ESR1: variants seen among roughly 807,000 people sequenced by gnomAD.
ESR1 encodes estrogen receptor 1.
Under a neutral mutation model 52.7 loss-of-function variants are expected in ESR1, and 12 were observed. The observed-to-expected ratio is 0.23, with a 90% CI of 0.15 to 0.37. The LOEUF (loss-of-function observed/expected upper bound fraction) is 0.37, where lower values mean the gene tolerates loss of function less well. Among genes scored for constraint, ESR1 ranks in the 10% least tolerant of loss-of-function variants. The pLI is 1.00. For synonymous variants in ESR1, 305 were observed against 316.8 expected (o/e 0.96, Z 0.39); for missense variants, 584 against 779.7 (o/e 0.75, Z 2.99).
chr6:151,951,565 A>G (rs755238018), intron 4 of ESR1, among the ~76,000 whole-genome samples: 11 of 152,230 alleles, frequency 7.2e-5, no homozygotes, highest in Non-Finnish European at 1.0e-4. Flanking sequence ...ATAGAAATCT[A>G]TGAGACTTGA....
chr6:151,689,747 T>G (rs547097514), upstream of ESR1, among the ~76,000 whole-genome samples: 10 of 152,296 alleles, frequency 6.6e-5, no homozygotes, highest in Admixed American at 5.2e-4. Flanking sequence ...GCCAGCCTTT[T>G]TTCAAGGCTT....
At chr6:151,781,781 G>A (rs1175044557) in intron 2 of ESR1, among the ~76,000 whole-genome samples, 1 of 147,934 alleles carries the variant, frequency 6.8e-6, no homozygotes, top group African/African-American at 2.5e-5. Flanking sequence ...ACAAGTGTTT[G>A]TTTTAAAAAA....
At position 152,099,262 on chromosome 6, in the gene ESR1, A is replaced by G. The variant is rs35151682; in HGVS notation, c.*296A>G. ...AGCTCTTCACAGCTGAACTCAGTCT[A>G]TGGGTTGGGGCTCAGATAACTCTGT... is the stretch of plus-strand genomic sequence containing the variant. On this transcript the variant is annotated 3_prime_UTR_variant, in exon 8 of 8. Coordinates refer to ENST00000206249, the MANE Select transcript of ESR1 (RefSeq NM_000125.4). 6,464 of 484,794 alleles carry G rather than the reference A, an allele frequency of 0.013. 99 individuals are homozygous for G. The highest frequency in any genetic ancestry group is 0.019 in the Non-Finnish European group (4,875 of 262,464). 30.0% of individuals were successfully genotyped at this position (484,794 alleles called of 1,614,324 possible). A position where few individuals can be genotyped will look rare whatever the true frequency, so the allele number is the denominator to read the frequency against.
intron 4 of ESR1, among the ~76,000 whole-genome samples, chr6:151,987,705 C>T (rs756348766): frequency 3.9e-5 from 6 of 152,084 alleles, no homozygotes; most frequent in Non-Finnish European, 8.8e-5. Flanking sequence ...CCACCACATC[C>T]GGCTCACCAA....
intron 6 of ESR1, among the ~76,000 whole-genome samples, chr6:152,087,264 T>G (rs1474703376): frequency 2.0e-5 from 3 of 152,140 alleles, no homozygotes; most frequent in Non-Finnish European, 4.4e-5. Flanking sequence ...AGAAATGACT[T>G]CTAAATAACT....
chr6:151,700,091 A>G (rs79975486), intron 1 of ESR1, among the ~76,000 whole-genome samples: 3 of 151,432 alleles, frequency 2.0e-5, no homozygotes, highest in Non-Finnish European at 4.4e-5. Flanking sequence ...AAAAAAAAAA[A>G]GAGTTCATTC....
intron 3 of ESR1, among the ~76,000 whole-genome samples, chr6:151,940,808 C>CTTG (rs1485842605): frequency 2.0e-5 from 3 of 152,212 alleles, no homozygotes; most frequent in Non-Finnish European, 4.4e-5. Context: ...TGGAGGGTAA[C>CTTG]ATGATCTGTC....
intron 6 of ESR1, among the ~76,000 whole-genome samples, chr6:152,111,914 CTAGAG>C (rs1410389989): frequency 3.9e-5 from 6 of 152,322 alleles, no homozygotes; most frequent in East Asian, 1.9e-4. Context: ...GGATTACAAA[CTAGAG>C]TAAACACTCC....
intron 3 of ESR1, among the ~76,000 whole-genome samples, chr6:151,886,351 T>C (rs1793845671): frequency 6.6e-6 from 1 of 152,202 alleles, no homozygotes; most frequent in Non-Finnish European, 1.5e-5. Flanking sequence ...TGTGCAGGAC[T>C]CTTGGACTGA....
intron 1 of ESR1, among the ~76,000 whole-genome samples, chr6:151,701,484 G>A (rs550086404): frequency 6.2e-4 from 87 of 139,828 alleles, no homozygotes; most frequent in African/African-American, 2.2e-3. Flanking sequence ...AGCCGAGACC[G>A]CACCGTTGCA....
chr6:151,986,799 G>C (rs1221385443), intron 4 of ESR1, among the ~76,000 whole-genome samples: 1 of 152,050 alleles, frequency 6.6e-6, no homozygotes, highest in African/African-American at 2.4e-5. Context: ...TTGACATCTT[G>C]GTATGAAAGT....
intron 6 of ESR1, among the ~76,000 whole-genome samples, chr6:152,072,862 C>T (rs1302778249): frequency 1.3e-5 from 2 of 152,346 alleles, no homozygotes; most frequent in East Asian, 3.9e-4. Context: ...GTCCTTTCTC[C>T]TTGAATAGCA....
intron 6 of ESR1, among the ~76,000 whole-genome samples, chr6:152,084,002 C>T (rs1042938853): frequency 6.6e-6 from 1 of 152,016 alleles, no homozygotes; most frequent in Non-Finnish European, 1.5e-5. Context: ...ATTCACAATA[C>T]CAAAGACTTG....
At chr6:152,107,963 C>G (rs1585271525), downstream of ESR1, among the ~76,000 whole-genome samples, 1 of 152,202 alleles carries the variant, frequency 6.6e-6, no homozygotes, top group Admixed American at 6.5e-5. Context: ...CCTAACCCAG[C>G]AAGGCTTCTG....
At chr6:151,859,297 T>C (rs1788459549) in intron 2 of ESR1, among the ~76,000 whole-genome samples, 1 of 152,234 alleles carries the variant, frequency 6.6e-6, no homozygotes, top group African/African-American at 2.4e-5. Flanking sequence ...GATCAAATTT[T>C]TATACAAATT....
intron 2 of ESR1, among the ~76,000 whole-genome samples, chr6:151,715,102 G>T (rs191969856): frequency 5.9e-5 from 9 of 152,272 alleles, no homozygotes; most frequent in Admixed American, 5.2e-4. Flanking sequence ...ATGAAGCTTA[G>T]TTTGGCTGGA....
In ESR1 at chr6:151,982,049, A is replaced by G. The variant is rs543172872; in HGVS notation, c.1097-29607A>G. Among the ~76,000 whole-genome samples, 4 of 152,370 alleles carry G rather than the reference A, an allele frequency of 2.6e-5. No individual in the cohort carries two copies. The East Asian group carries it at 7.7e-4, about 29-fold the overall frequency. ...CCAATGTAATGATATAGACAATCTC[A>G]CTTTATTCATTCACTCTGTTTAATT... is the stretch of plus-strand genomic sequence containing the variant. On this transcript the variant is annotated intron_variant, in intron 4 of 7. Coordinates refer to ENST00000206249, the MANE Select transcript of ESR1 (RefSeq NM_000125.4).
chr6:151,790,362 T>C (rs1283942164), intron 2 of ESR1, among the ~76,000 whole-genome samples: 6 of 152,182 alleles, frequency 3.9e-5, no homozygotes, highest in African/African-American at 1.4e-4. Context: ...TGTCACCACG[T>C]CCACCAATTC....
chr6:151,883,776 G>T (rs149052314), intron 3 of ESR1, among the ~76,000 whole-genome samples: 1 of 151,850 alleles, frequency 6.6e-6, no homozygotes, highest in Admixed American at 6.5e-5. Context: ...TGGCAGGTTT[G>T]ATTTTTCCCG....
Sources: gnomAD v4.1 joint callset for allele counts (sites outside exome capture counted in the v4.1 genomes callset) on GRCh38, gnomAD v4.1.1 for gene constraint, MANE v1.5 for transcripts, NCBI Gene and HGNC (gene_info 2026-07-23, HGNC 2026-07-21) for gene names.